The following SLC6A19 variants were observed in gnomAD, a reference collection of about 807,000 sequenced individuals.
The protein encoded by SLC6A19 is solute carrier family 6 member 19.
A neutral mutation model predicts 68.3 loss-of-function variants in SLC6A19; 67 were observed. The observed-to-expected ratio is 0.98, with a 90% CI of 0.81 to 1.20. The LOEUF (loss-of-function observed/expected upper bound fraction) is 1.20, where lower values mean the gene tolerates loss of function less well. Ranked by LOEUF, SLC6A19 falls within the 50% of genes most tolerant of loss-of-function variation. The pLI, the probability that SLC6A19 is intolerant of heterozygous loss-of-function variation, is 0.00. For missense variants in SLC6A19, 813 were observed against 851.6 expected, an observed-to-expected ratio of 0.95 and a Z score of 0.56; for synonymous variants, 392 against 374.9, an observed-to-expected ratio of 1.05 and a Z score of -0.53.
chr5:1,210,628 G>A (rs747731401), intron 3 of SLC6A19, 47 bp downstream of exon 3: 2 of 1,608,094 alleles, frequency 1.2e-6, no homozygotes, highest in East Asian at 2.2e-5. Context: ...TGAGGCTGTT[G>A]TGTCTCTCAT....
chr5:1,205,080 C>T (rs139282763), intron 1 of SLC6A19, among the ~76,000 whole-genome samples: 1,639 of 152,290 alleles, frequency 0.011, 9 homozygotes, highest in Admixed American at 0.018. Flanking sequence ...CCCATTCTCT[C>T]GGTTACCTGC....
Position 1,221,711 on chromosome 5 carries a change from C to T in SLC6A19, c.1712C>T (p.Pro571Leu), listed in dbSNP as rs1442412150. ...GGGCTCTCTCCCCAGGAGGAATTTC[C>T]CAAATCCCAGAAGATCTCCTACCCG... Reference protein sequence around the residue: ...SIWDPGYEEFPKSQKISYPNW... With the variant: ...SIWDPGYEEFLKSQKISYPNW... The change falls in exon 12 of 12, where the codon CCC becomes CTC. Residue 571 changes from proline to leucine, a missense_variant. Transcript: ENST00000304460. The T allele has an allele frequency of 6.2e-6, 10 of 1,613,882 alleles. No individual in the cohort carries two copies. The highest frequency in any genetic ancestry group is 8.5e-6 in the Non-Finnish European group (10 of 1,179,902).
Position 1,208,742 on chromosome 5 carries a change from G to T in SLC6A19, c.203-4G>T, listed in dbSNP as rs1312972325. 1.9e-6 allele frequency: 3 copies of T among 1,613,402 alleles called. No homozygotes were observed. The highest frequency in any genetic ancestry group is 2.2e-5 in the South Asian group (2 of 91,088). Reference sequence around the variant, plus strand: ...TCAGGCATGGTGGACTCCTCCCATTGCAGGAGCCTTCATGATCCCGTTCCT... The same window carrying T: ...TCAGGCATGGTGGACTCCTCCCATTTCAGGAGCCTTCATGATCCCGTTCCT... On this transcript the variant is annotated splice_region_variant and splice_polypyrimidine_tract_variant and intron_variant, in intron 1 of 11. Transcript: ENST00000304460.
chr5:1,218,895 C>T lies in SLC6A19; in HGVS notation c.1174-8C>T, dbSNP rs749701217. The T allele has an allele frequency of 3.1e-6, 5 of 1,612,198 alleles. No individual in the cohort carries two copies. The highest frequency in any genetic ancestry group is 4.2e-6 in the Non-Finnish European group (5 of 1,179,576). ...AGAGGCCCTGGTGACTGTGTGTCAT[C>T]CGTGCAGGCCGTGGAGGGCACAGGC... On this transcript the variant is annotated splice_polypyrimidine_tract_variant and splice_region_variant and intron_variant, in intron 8 of 11. Transcript: ENST00000304460.
intron 7 of SLC6A19, 36 bp from the exon 8 acceptor site, chr5:1,216,753 G>A (rs776465395): frequency 1.2e-6 from 2 of 1,613,624 alleles, no homozygotes; most frequent in East Asian, 2.2e-5. Flanking sequence ...AGCCTCCCTG[G>A]CCCCAGGTGG....
intron 1 of SLC6A19, among the ~76,000 whole-genome samples, chr5:1,206,064 G>A (rs1401886841): frequency 6.6e-6 from 1 of 152,202 alleles, no homozygotes; most frequent in African/African-American, 2.4e-5. Context: ...GGGGATAGAG[G>A]TGCTGGGCTC....
chr5:1,205,587 G>T (rs1469772110), intron 1 of SLC6A19, among the ~76,000 whole-genome samples: 2 of 152,242 alleles, frequency 1.3e-5, no homozygotes, highest in Non-Finnish European at 2.9e-5. Context: ...GGACACCCTG[G>T]TGGGGTTTTC....
In SLC6A19 at chr5:1,212,409, G is replaced by A. The variant is rs752611481; in HGVS notation, c.588G>A (p.Trp196Ter). The change falls in exon 4 of 12, where the codon TGG becomes TGA. Residue 196 changes from tryptophan (W) to a stop codon, truncating the protein, a stop_gained. Transcript: ENST00000304460. LOFTEE classifies it high-confidence loss of function. This position sits in a 1 kb window ranked among gnomAD's most constrained non-coding sequence, Gnocchi z 5.1. Reference protein sequence around the residue: ...SISDSGSIQWWMLLCLACAWS... With the variant: ...SISDSGSIQW ...GCGACTCGGGCTCCATCCAGTGGTG[G>A]ATGCTGCTGTGCCTGGCCTGCGCAT... is the stretch of plus-strand genomic sequence containing the variant. The A allele has an allele frequency of 3.1e-6, 5 of 1,612,814 alleles. No individual in the cohort carries two copies. The highest frequency in any genetic ancestry group is 1.1e-5 in the South Asian group (1 of 91,092).
At position 1,214,086 on chromosome 5, in the gene SLC6A19, C is replaced by A; in HGVS notation, c.887+21C>A. 3 of 1,613,592 alleles carry A rather than the reference C, an allele frequency of 1.9e-6. No homozygotes were observed. The highest frequency in any genetic ancestry group is 2.5e-6 in the Non-Finnish European group (3 of 1,179,952). On this transcript the variant is annotated intron_variant, in intron 6 of 11. Transcript: ENST00000304460. The surrounding 1 kb of genome is among the most constrained non-coding windows in gnomAD (Gnocchi z 7.4). ...GTGCAGTGAGTGCGGGTGTGGTGGGCCTCAGTTTCCCTCTCAGTCCTGGGG... is the reference window on the plus strand; with the variant it reads ...GTGCAGTGAGTGCGGGTGTGGTGGGACTCAGTTTCCCTCTCAGTCCTGGGG...
rs773911372 is a variant in SLC6A19 at position 1,216,843 on chromosome 5, G to C, written c.1071G>C (p.Gln357His). Reference protein sequence around the residue: ...GFDLPEGNVTQENFVDMQQRC... With the variant: ...GFDLPEGNVTHENFVDMQQRC... ...ACCTGCCTGAAGGCAACGTGACCCA[G>C]GAGAACTTTGTGGACATGCAGCAGC... The change falls in exon 8 of 12, where the codon CAG (glutamine) becomes CAC (histidine). Residue 357 changes from glutamine to histidine, a missense_variant. Transcript: ENST00000304460. 3.1e-6 allele frequency: 5 copies of C among 1,613,818 alleles called. No homozygotes were observed. Among genetic ancestry groups the C allele is most frequent in the Non-Finnish European group, 4.2e-6 (5 of 1,180,040 alleles).
chr5:1,204,378 A>G (rs111420879), intron 1 of SLC6A19, among the ~76,000 whole-genome samples: 3,359 of 152,284 alleles, frequency 0.022, 107 homozygotes, highest in African/African-American at 0.077. Context: ...GCACCTGGGC[A>G]TTCTCACCTG....
intron 3 of SLC6A19, 67 bp downstream of exon 3, chr5:1,210,648 A>G (rs1745999825): frequency 2.5e-6 from 4 of 1,601,742 alleles, no homozygotes; most frequent in Non-Finnish European, 3.4e-6. Context: ...TAGCAGGCAC[A>G]TGGCCTCAGG....
Position 1,215,886 on chromosome 5 carries a change from A to G in SLC6A19, c.888-672A>G, listed in dbSNP as rs974375235. Among the ~76,000 whole-genome samples the G allele has an allele frequency of 6.6e-6, 1 of 152,110 alleles. No individual in the cohort carries two copies. Among genetic ancestry groups the G allele is most frequent in the African/African-American group, 2.4e-5 (1 of 41,412 alleles). On this transcript the variant is annotated intron_variant, in intron 6 of 11. Transcript: ENST00000304460. This position sits in a 1 kb window ranked among gnomAD's most constrained non-coding sequence, Gnocchi z 5.1. The stretch of plus-strand genomic sequence containing the variant: ...GCTCCAGTTTCCCCGTATCCTCACC[A>G]ACACTTGTTATTGTCTGACTTTTGT...
chr5:1,201,833 G>A lies in SLC6A19; in HGVS notation c.183G>A (p.Leu61=), dbSNP rs573667552. The A allele has an allele frequency of 2.5e-6, 4 of 1,611,530 alleles. No homozygotes were observed. The highest frequency in any genetic ancestry group is 1.7e-4 in the Middle Eastern group (1 of 6,060). ...GLGNVWRFPY[L]CQSHGGGAFM... ...GCAACGTGTGGCGCTTCCCCTACCT[G>A]TGTCAGAGCCACGGAGGAGGTAGGC... Residue 61 remains leucine, a synonymous_variant, in exon 1 of 12, where the codon CTG becomes CTA. Coordinates refer to ENST00000304460, the MANE Select transcript of SLC6A19 (RefSeq NM_001003841.3).
chr5:1,202,073 A>G (rs534241264), intron 1 of SLC6A19, among the ~76,000 whole-genome samples: 1 of 152,142 alleles, frequency 6.6e-6, no homozygotes, highest in South Asian at 2.1e-4. Flanking sequence ...CGACCCCAAG[A>G]CTTCGTGTGG....
chr5:1,214,094 T>A lies in SLC6A19; in HGVS notation c.887+29T>A. The A allele has an allele frequency of 6.2e-7, 1 of 1,613,470 alleles. No homozygotes were observed. Among genetic ancestry groups the A allele is most frequent in the Non-Finnish European group, 8.5e-7 (1 of 1,179,930 alleles). ...AGTGCGGGTGTGGTGGGCCTCAGTT[T>A]CCCTCTCAGTCCTGGGGGGATCTTG... On this transcript the variant is annotated intron_variant, in intron 6 of 11. Coordinates refer to ENST00000304460, the MANE Select transcript of SLC6A19 (RefSeq NM_001003841.3). The surrounding 1 kb of genome is among the most constrained non-coding windows in gnomAD (Gnocchi z 7.4).
chr5:1,221,517 C>G (rs1041198176), intron 11 of SLC6A19, among the ~76,000 whole-genome samples, 184 bp from the exon 12 acceptor site: 1 of 152,156 alleles, frequency 6.6e-6, no homozygotes, highest in Admixed American at 6.5e-5. Flanking sequence ...TCACACCATC[C>G]CAGGAGGGAG....
chr5:1,221,687 G>T lies in SLC6A19; in HGVS notation c.1702-14G>T, dbSNP rs1261831554. 10 of 1,613,738 alleles carry T rather than the reference G, an allele frequency of 6.2e-6. No individual in the cohort carries two copies. Among genetic ancestry groups the T allele is most frequent in the South Asian group, 1.1e-5 (1 of 91,050 alleles). On this transcript the variant is annotated splice_polypyrimidine_tract_variant and intron_variant, in intron 11 of 11. Transcript: ENST00000304460. ...TCCCGGGATGCCTACTCACCCATGGGGCTCTCTCCCCAGGAGGAATTTCCC... is the reference window on the plus strand; with the variant it reads ...TCCCGGGATGCCTACTCACCCATGGTGCTCTCTCCCCAGGAGGAATTTCCC...
intron 10 of SLC6A19, 21 bp downstream of exon 10, chr5:1,219,685 A>T (rs1471339307): frequency 3.7e-6 from 6 of 1,601,514 alleles, no homozygotes; most frequent in Non-Finnish European, 5.1e-6. Flanking sequence ...CGGTGGGGAC[A>T]GGTGCCTCTA....
Sources: gnomAD v4.1 joint callset for allele counts (sites outside exome capture counted in the v4.1 genomes callset) on GRCh38, gnomAD v4.1.1 for gene constraint, Gnocchi (gnomAD v3.1) non-coding constraint, MANE v1.5 for transcripts, NCBI Gene and HGNC (gene_info 2026-07-23, HGNC 2026-07-21) for gene names.